GLIS1: variants seen among roughly 807,000 people sequenced by gnomAD.
GLIS1 encodes the protein zinc finger protein GLIS1.
In GLIS1, 24 loss-of-function variants were observed where a neutral mutation model predicts 63.8. The observed-to-expected ratio is 0.38, with a 90% confidence interval of 0.27 to 0.53. The LOEUF is 0.53. Among genes scored for constraint, GLIS1 ranks in the 20% least tolerant of loss-of-function variants. The pLI, the probability that GLIS1 is intolerant of heterozygous loss-of-function variation, is 0.85. For synonymous variants in GLIS1, 450 were observed against 482.5 expected (o/e 0.93, Z 0.88); for missense variants, 1,036 against 1,074.1 (o/e 0.96, Z 0.50).
chr1:53,595,442 C>A (rs1645245753), intron 3 of GLIS1, among the ~76,000 whole-genome samples: 1 of 152,082 alleles, frequency 6.6e-6, no homozygotes, highest in Non-Finnish European at 1.5e-5. Context: ...ATTGCTTGAG[C>A]CCAGGAGGTT....
chr1:53,646,723 C>A lies in GLIS1; in HGVS notation c.260-46445G>T, dbSNP rs1645848248. 2.0e-5 allele frequency among the ~76,000 whole-genome samples: 3 copies of A among 151,904 alleles called. No individual in the cohort carries two copies. Among genetic ancestry groups the A allele is most frequent in the Admixed American group, 2.0e-4 (3 of 15,230 alleles). On this transcript the variant is annotated intron_variant, in intron 2 of 10. Transcript: ENST00000628545. This position sits in a 1 kb window ranked among gnomAD's most constrained non-coding sequence, Gnocchi z 4.2. ...TACTTGGGAGGCTAAGGGAGGAGGACTGTTTGAACCTGGTAGGCAGAGGTT... is the reference window on the plus strand; with the variant it reads ...TACTTGGGAGGCTAAGGGAGGAGGAATGTTTGAACCTGGTAGGCAGAGGTT...
At position 53,639,732 on chromosome 1, in the gene GLIS1, G is replaced by A. The variant is rs1404349238; in HGVS notation, c.260-39454C>T. Among the ~76,000 whole-genome samples the A allele has an allele frequency of 1.3e-5, 2 of 152,140 alleles. No homozygotes were observed. Among genetic ancestry groups the A allele is most frequent in the Admixed American group, 6.5e-5 (1 of 15,270 alleles). ...ATTTATAAACCTCCAGGCTTGGGAA[G>A]CCAGTCTCAAGGACCAGGAGCACTG... On this transcript the variant is annotated intron_variant, in intron 2 of 10. Transcript: ENST00000628545. This position sits in a 1 kb window ranked among gnomAD's most constrained non-coding sequence, Gnocchi z 4.6.
intron 4 of GLIS1, among the ~76,000 whole-genome samples, chr1:53,532,582 C>T (rs994873795): frequency 2.0e-5 from 3 of 152,258 alleles, no homozygotes; most frequent in African/African-American, 7.2e-5. Flanking sequence ...CAAGCCACCT[C>T]CCTTGCTCGC....
At chr1:53,592,184 AC>A (rs1049501987) in intron 4 of GLIS1, among the ~76,000 whole-genome samples, 1 of 152,160 alleles carries the variant, frequency 6.6e-6, no homozygotes, top group African/African-American at 2.4e-5. Flanking sequence ...GCACTGAGTA[AC>A]CCAGGCCCCT....
At chr1:53,535,096 A>G (rs1018249628) in intron 4 of GLIS1, among the ~76,000 whole-genome samples, 42 of 152,072 alleles carry the variant, frequency 2.8e-4, no homozygotes, top group African/African-American at 1.0e-3. Flanking sequence ...CAGAGAAGGA[A>G]GGGAAGCAGG....
intron 6 of GLIS1, among the ~76,000 whole-genome samples, chr1:53,523,199 T>A: frequency 6.6e-6 from 1 of 151,990 alleles, no homozygotes; most frequent in East Asian, 1.9e-4. Flanking sequence ...ATCCCCTCCC[T>A]CCTCAGGGAA....
At chr1:53,509,010 C>G in intron 10 of GLIS1, 110 bp downstream of exon 10, 1 of 1,123,666 alleles carries the variant, frequency 8.9e-7, no homozygotes, top group Non-Finnish European at 1.2e-6. Context: ...GTGGGGATGG[C>G]CCCACCACAT....
intron 2 of GLIS1, among the ~76,000 whole-genome samples, chr1:53,611,039 T>C (rs1167547703): frequency 1.3e-5 from 2 of 152,212 alleles, no homozygotes; most frequent in Non-Finnish European, 2.9e-5. Context: ...CAGATCTCTA[T>C]TAAATTCTCT....
chr1:53,636,114 C>A (rs1189429499), intron 2 of GLIS1, among the ~76,000 whole-genome samples: 1 of 152,072 alleles, frequency 6.6e-6, no homozygotes, highest in Non-Finnish European at 1.5e-5. Flanking sequence ...AAAACTTTGG[C>A]ATTAAACCTC....
intron 2 of GLIS1, among the ~76,000 whole-genome samples, chr1:53,675,476 A>T (rs988733568): frequency 7.9e-5 from 12 of 152,160 alleles, no homozygotes; most frequent in Non-Finnish European, 1.2e-4. Flanking sequence ...TTAGGGCCCA[A>T]CTTTGGGCAA....
intron 2 of GLIS1, among the ~76,000 whole-genome samples, chr1:53,663,442 A>G (rs938338019): frequency 6.6e-6 from 1 of 152,182 alleles, no homozygotes; most frequent in African/African-American, 2.4e-5. Flanking sequence ...TCCGTGAGTT[A>G]TCTCATTTCA....
chr1:53,507,372 G>A (rs565724776), intron 10 of GLIS1, among the ~76,000 whole-genome samples: 1 of 152,320 alleles, frequency 6.6e-6, no homozygotes, highest in South Asian at 2.1e-4. Context: ...AGTAAGGGGT[G>A]GAGCTGGGAT....
rs539649378 is a variant in GLIS1, at chr1:53,509,745, C to CT, written c.2062+103dup. 17 of 698,258 alleles carry CT rather than the reference C, an allele frequency of 2.4e-5. No homozygotes were observed. In the Admixed American group the frequency reaches 6.4e-4, roughly 26 times the overall value. The allele number at this position is 698,258 out of a possible 1,614,324, so 43.3% of individuals were successfully genotyped here. ...CCCCCAGTGCCCAGCCGGTCATTCT[C>CT]TGAGTACCTGCCTCCCCCACTAGGT... On this transcript the variant is annotated intron_variant, in intron 9 of 10. Transcript: ENST00000628545.
At chr1:53,612,251 T>A (rs185367496) in intron 2 of GLIS1, among the ~76,000 whole-genome samples, 48 of 151,976 alleles carry the variant, frequency 3.2e-4, no homozygotes, top group East Asian at 2.7e-3. Context: ...TTACTTTTTG[T>A]TTTTTTTAGA....
chr1:53,636,380 T>A (rs1645721727), intron 2 of GLIS1, among the ~76,000 whole-genome samples: 1 of 151,838 alleles, frequency 6.6e-6, no homozygotes. Context: ...AAAAAGCATT[T>A]GATAAAAATT....
intron 4 of GLIS1, among the ~76,000 whole-genome samples, chr1:53,559,272 A>G (rs1368600893): frequency 1.3e-5 from 2 of 152,182 alleles, no homozygotes; most frequent in Non-Finnish European, 2.9e-5. Flanking sequence ...TGACCTGGCA[A>G]AGAGTGGAAG....
intron 4 of GLIS1, among the ~76,000 whole-genome samples, chr1:53,578,337 C>T (rs1213390752): frequency 1.3e-5 from 2 of 152,228 alleles, no homozygotes; most frequent in East Asian, 3.8e-4. Flanking sequence ...AGACTAGGAC[C>T]TAGGTCCTTC....
intron 2 of GLIS1, among the ~76,000 whole-genome samples, chr1:53,626,795 C>T (rs1278010362): frequency 2.6e-5 from 4 of 152,260 alleles, no homozygotes; most frequent in Non-Finnish European, 1.5e-5. Context: ...GGTCCACTCC[C>T]GCATCATCTG....
At chr1:53,561,467 T>G (rs1412831808) in intron 4 of GLIS1, among the ~76,000 whole-genome samples, 1 of 152,246 alleles carries the variant, frequency 6.6e-6, no homozygotes, top group Non-Finnish European at 1.5e-5. Context: ...AGGCACTGTA[T>G]GTCTTTACAT....
Sources: gnomAD v4.1 joint callset for allele counts (sites outside exome capture counted in the v4.1 genomes callset) on GRCh38, gnomAD v4.1.1 for gene constraint, Gnocchi (gnomAD v3.1) non-coding constraint, MANE v1.5 for transcripts, NCBI Gene and HGNC (gene_info 2026-07-23, HGNC 2026-07-21) for gene names.